Variants in PRDM16 observed in about 807,000 individuals in gnomAD.
PRDM16 encodes the protein PR/SET domain 16.
A neutral mutation model predicts 110.6 loss-of-function variants in PRDM16; 23 were observed. The observed-to-expected ratio is 0.21, with a 90% CI of 0.15 to 0.29. The LOEUF is 0.29. Among genes scored for constraint, PRDM16 ranks in the 10% least tolerant of loss-of-function variants. The pLI is 1.00. For missense variants in PRDM16, 1,615 were observed against 1,794.3 expected, an observed-to-expected ratio of 0.90 and a Z score of 1.81; for synonymous variants, 799 against 781.8, an observed-to-expected ratio of 1.02 and a Z score of -0.37.
At position 3,314,035 on chromosome 1, in the gene PRDM16, A is replaced by G. The variant is rs181922381; in HGVS notation, c.438+69898A>G. ...AGACCCCAAGGAATAAGGTCCAGGC[A>G]TGGGACCCTCGCCCCCGAATGCCGT... On this transcript the variant is annotated intron_variant, in intron 3 of 16. Coordinates refer to ENST00000270722, the MANE Select transcript of PRDM16 (RefSeq NM_022114.4). 3.0e-4 allele frequency among the ~76,000 whole-genome samples: 43 copies of G among 141,366 alleles called. No individual in the cohort carries two copies. In the Middle Eastern group the frequency reaches 0.011, roughly 35 times the overall value. 92.7% of individuals were successfully genotyped at this position (141,366 alleles called of 152,430 possible).
chr1:3,320,478 T>C (rs1191598335), intron 3 of PRDM16, among the ~76,000 whole-genome samples: 1 of 152,194 alleles, frequency 6.6e-6, no homozygotes, highest in Non-Finnish European at 1.5e-5. Context: ...AGGGCCTGTG[T>C]GCTGGCTGCC....
At chr1:3,303,249 G>A (rs1252552734) in intron 3 of PRDM16, among the ~76,000 whole-genome samples, 1 of 151,032 alleles carries the variant, frequency 6.6e-6, no homozygotes, top group Non-Finnish European at 1.5e-5. Flanking sequence ...CCAGCCCCTG[G>A]TAATCATGAA....
chr1:3,293,936 G>A (rs772406042), intron 3 of PRDM16, among the ~76,000 whole-genome samples: 13 of 152,302 alleles, frequency 8.5e-5, no homozygotes, highest in Non-Finnish European at 1.5e-4. Context: ...CAGTGTGTGA[G>A]TGCGTGCGTG....
chr1:3,128,179 T>C (rs1259558915), intron 1 of PRDM16: 1 of 154,454 alleles, frequency 6.5e-6, no homozygotes, highest in Non-Finnish European at 1.5e-5. Context: ...TCTGGTTCCG[T>C]ACCCATGCCC....
At chr1:3,121,692 C>T (rs574239251) in intron 1 of PRDM16, among the ~76,000 whole-genome samples, 19 of 152,340 alleles carry the variant, frequency 1.2e-4, no homozygotes, top group African/African-American at 4.1e-4. Context: ...TTAGGGGATC[C>T]GGGGCAGGGC....
At chr1:3,275,828 G>A (rs1640570269) in intron 3 of PRDM16, among the ~76,000 whole-genome samples, 1 of 152,204 alleles carries the variant, frequency 6.6e-6, no homozygotes, top group African/African-American at 2.4e-5. Context: ...ATCCAGCGTG[G>A]AAGTGGGTGG....
chr1:3,215,802 C>A (rs886608634), intron 2 of PRDM16, among the ~76,000 whole-genome samples: 1 of 152,180 alleles, frequency 6.6e-6, no homozygotes, highest in Non-Finnish European at 1.5e-5. Flanking sequence ...GTGTCCGCAC[C>A]CTCATTAATC....
In PRDM16 at chr1:3,157,786, G is replaced by A. The variant is rs779404056; in HGVS notation, c.38-28339G>A. Among the ~76,000 whole-genome samples the A allele has an allele frequency of 4.6e-5, 7 of 152,164 alleles. No homozygotes were observed. The highest frequency in any genetic ancestry group is 2.1e-4 in the South Asian group (1 of 4,826). On this transcript the variant is annotated intron_variant, in intron 1 of 16. Coordinates refer to ENST00000270722, the MANE Select transcript of PRDM16 (RefSeq NM_022114.4). This position sits in a 1 kb window ranked among gnomAD's most constrained non-coding sequence, Gnocchi z 4.8. ...AACACCCAGATGGACAGAGCTCGTCGGTTGGCTGAGGCTGGGGATGTGTCC... is the reference window on the plus strand; with the variant it reads ...AACACCCAGATGGACAGAGCTCGTCAGTTGGCTGAGGCTGGGGATGTGTCC...
chr1:3,429,502 C>T (rs1638707492), intron 14 of PRDM16, among the ~76,000 whole-genome samples: 1 of 152,206 alleles, frequency 6.6e-6, no homozygotes, highest in Non-Finnish European at 1.5e-5. Flanking sequence ...TCTCACCCTG[C>T]GCCATCTCAT....
At chr1:3,430,226 T>C (rs553829997) in intron 14 of PRDM16, among the ~76,000 whole-genome samples, 1 of 152,326 alleles carries the variant, frequency 6.6e-6, no homozygotes, top group South Asian at 2.1e-4. Context: ...GCACGCTTTG[T>C]TCTTTTTTAT....
chr1:3,107,943 G>C (rs1229357178), intron 1 of PRDM16, among the ~76,000 whole-genome samples: 1 of 152,256 alleles, frequency 6.6e-6, no homozygotes, highest in Non-Finnish European at 1.5e-5. Context: ...CTGCCGGGGA[G>C]GGGGGCTGAA....
chr1:3,363,457 T>C (rs2500262), intron 3 of PRDM16, among the ~76,000 whole-genome samples: 105,639 of 152,048 alleles, frequency 0.69, 36,745 homozygotes, highest in South Asian at 0.8. Flanking sequence ...GGGATCCCGG[T>C]GAGCACGGGG....
chr1:3,120,367 G>A (rs564750950), intron 1 of PRDM16, among the ~76,000 whole-genome samples: 93 of 152,316 alleles, frequency 6.1e-4, no homozygotes, highest in African/African-American at 2.0e-3. Context: ...CCGCAGAAGG[G>A]AGTTTTGGGG....
chr1:3,399,800 A>G (rs1341580436), intron 5 of PRDM16, among the ~76,000 whole-genome samples: 1 of 152,210 alleles, frequency 6.6e-6, no homozygotes. Context: ...AATTTCAACT[A>G]CTATGATTGT....
chr1:3,390,702 C>G lies in PRDM16; in HGVS notation c.573+5416C>G, dbSNP rs1239965129. Reference sequence around the variant, plus strand: ...TGCTGTCCTGGGCTCTGACCCGGGTCCCGCGTTTCTGTCTGGGCGTGTGCC... The same window carrying G: ...TGCTGTCCTGGGCTCTGACCCGGGTGCCGCGTTTCTGTCTGGGCGTGTGCC... On this transcript the variant is annotated intron_variant, in intron 4 of 16. Transcript: ENST00000270722. This position sits in a 1 kb window ranked among gnomAD's most constrained non-coding sequence, Gnocchi z 5.0. 6.6e-6 allele frequency among the ~76,000 whole-genome samples: 1 copy of G among 152,134 alleles called. No homozygotes were observed. The highest frequency in any genetic ancestry group is 1.5e-5 in the Non-Finnish European group (1 of 68,024).
chr1:3,223,650 C>A (rs181064879), intron 2 of PRDM16, among the ~76,000 whole-genome samples: 1 of 152,314 alleles, frequency 6.6e-6, no homozygotes, highest in Admixed American at 6.5e-5. Context: ...AATGCACCAT[C>A]AATTTGAGTG....
chr1:3,291,461 C>T (rs1434742012), intron 3 of PRDM16, among the ~76,000 whole-genome samples: 2 of 152,184 alleles, frequency 1.3e-5, no homozygotes, highest in African/African-American at 2.4e-5. Context: ...TTGGAAGATA[C>T]CCCAATAAAC....
intron 1 of PRDM16, among the ~76,000 whole-genome samples, chr1:3,146,576 G>A (rs1643660878): frequency 7.0e-6 from 1 of 142,720 alleles, no homozygotes; most frequent in Non-Finnish European, 1.5e-5. Flanking sequence ...TGTGTGCTCG[G>A]TGTGGGGCAT....
At chr1:3,146,001 T>C (rs2817186) in intron 1 of PRDM16, among the ~76,000 whole-genome samples, 14,885 of 152,108 alleles carry the variant, frequency 0.098, 1,004 homozygotes, top group East Asian at 0.19. Flanking sequence ...TCACCGCGGG[T>C]ATCAGGCCTC....
Sources: allele counts gnomAD v4.1 joint callset (sites outside exome capture counted in the v4.1 genomes callset), GRCh38; gene constraint gnomAD v4.1.1; non-coding constraint Gnocchi (gnomAD v3.1); transcripts MANE v1.5; gene names NCBI Gene and HGNC (gene_info 2026-07-23, HGNC 2026-07-21).